Variants in NOS1 observed in about 807,000 individuals in gnomAD.
NOS1 encodes nitric oxide synthase 1.
In NOS1, 51 loss-of-function variants were observed where a neutral mutation model predicts 164.5. That is an observed-to-expected ratio of 0.31 (90% CI 0.25 to 0.39). The LOEUF is 0.39. NOS1 is among the 10% of genes least tolerant of loss of function. The pLI is 1.00. For missense variants in NOS1, 1,362 were observed against 1,885.6 expected (o/e 0.72, Z 5.14); for synonymous variants, 719 against 745.8 (o/e 0.96, Z 0.59).
rs1229805659 is a variant in NOS1 at position 117,269,702 on chromosome 12, G to A, written c.1840-1558C>T. On this transcript the variant is annotated intron_variant, in intron 10 of 28. Coordinates refer to ENST00000317775, the MANE Select transcript of NOS1 (RefSeq NM_000620.5). ...AGGATGGTCTCGATCTCTTGACCTC[G>A]TGATCCACCCACCTCGGCCTCCCAA... 5.9e-5 allele frequency among the ~76,000 whole-genome samples: 9 copies of A among 151,906 alleles called. No homozygotes were observed. In the East Asian group the frequency reaches 1.4e-3, roughly 23 times the overall value.
At chr12:117,265,273 T>C (rs1319965936) in intron 12 of NOS1, 43 bp downstream of exon 12, 2 of 1,482,818 alleles carry the variant, frequency 1.3e-6, no homozygotes, top group African/African-American at 2.8e-5. Context: ...ACACACCAGA[T>C]ACAGGACACT....
At chr12:117,260,748 G>GC in intron 13 of NOS1, 139 bp from the exon 14 acceptor site, 1 of 827,766 alleles carries the variant, frequency 1.2e-6, no homozygotes, top group Non-Finnish European at 1.8e-6. Flanking sequence ...GGCTTCAGGG[G>GC]TTTCCTCAGA....
chr12:117,325,709 A>T (rs187019043), intron 2 of NOS1, among the ~76,000 whole-genome samples: 5 of 152,354 alleles, frequency 3.3e-5, no homozygotes, highest in Admixed American at 2.6e-4. Context: ...ATCAGGAGTC[A>T]TTCACTATTT....
At position 117,272,940 on chromosome 12, in the gene NOS1, C is replaced by T. The variant is rs974631044; in HGVS notation, c.1665-381G>A. Among the ~76,000 whole-genome samples the T allele has an allele frequency of 5.9e-5, 9 of 152,320 alleles. No homozygotes were observed. The highest frequency in any genetic ancestry group is 1.0e-4 in the Non-Finnish European group (7 of 68,024). On this transcript the variant is annotated intron_variant, in intron 9 of 28. Coordinates refer to ENST00000317775, the MANE Select transcript of NOS1 (RefSeq NM_000620.5). This position sits in a 1 kb window ranked among gnomAD's most constrained non-coding sequence, Gnocchi z 4.3. Reference sequence around the variant, plus strand: ...GGCAGCCAAACTTCAGAGCCAAACTCTGTCACCCAAACTTCTTCTTTCTTT... The same window carrying T: ...GGCAGCCAAACTTCAGAGCCAAACTTTGTCACCCAAACTTCTTCTTTCTTT...
chr12:117,251,308 C>T (rs1342346549), intron 17 of NOS1, among the ~76,000 whole-genome samples: 1 of 152,030 alleles, frequency 6.6e-6, no homozygotes, highest in Non-Finnish European at 1.5e-5. Context: ...ATAGTAGCCC[C>T]AATGGACCAA....
rs75672577 is a variant in NOS1 at position 117,308,345 on chromosome 12, A to G, written c.852+3121T>C. 5.8e-3 allele frequency among the ~76,000 whole-genome samples: 879 copies of G among 152,194 alleles called. 11 individuals carry two copies. The highest frequency in any genetic ancestry group is 0.015 in the African/African-American group (638 of 41,524). ...AACATAGCAAGATCCCGTTTCTACA[A>G]AAAAATATAAAAAGTTAGCCAGGTC... On this transcript the variant is annotated intron_variant, in intron 3 of 28. Coordinates refer to ENST00000317775, the MANE Select transcript of NOS1 (RefSeq NM_000620.5).
At chr12:117,342,976 T>C (rs1424423081) in intron 1 of NOS1, among the ~76,000 whole-genome samples, 1 of 152,088 alleles carries the variant, frequency 6.6e-6, no homozygotes, top group African/African-American at 2.4e-5. Context: ...ACCTCCCAGC[T>C]CCTGGCTTCC....
At chr12:117,220,371 G>T in intron 26 of NOS1, 102 bp from the exon 27 acceptor site, 1 of 1,168,488 alleles carries the variant, frequency 8.6e-7, no homozygotes, top group Non-Finnish European at 1.2e-6. Flanking sequence ...GGGCTTGTGG[G>T]CAGGTAGGAT....
At chr12:117,261,178 CAAAAAAA>C (rs534260940) in intron 13 of NOS1, among the ~76,000 whole-genome samples, 3,933 of 77,264 alleles carry the variant, frequency 0.051, 200 homozygotes, top group African/African-American at 0.16. Flanking sequence ...GACTCTGCCT[CAAAAAAA>C]AAAAAAAAAA....
chr12:117,330,317 C>CACAA lies in NOS1; in HGVS notation c.725+27_725+28insTTGT. 6.3e-7 allele frequency: 1 copy of CACAA among 1,589,854 alleles called. No individual in the cohort carries two copies. The highest frequency in any genetic ancestry group is 8.6e-7 in the Non-Finnish European group (1 of 1,166,660). ...ACAAGCATGCACACACACACACACA[C>CACAA]ACACACACACACCCCTGTGGAGCTT... is the stretch of plus-strand genomic sequence containing the variant. On this transcript the variant is annotated intron_variant, in intron 2 of 28. Transcript: ENST00000317775. This position sits in a 1 kb window ranked among gnomAD's most constrained non-coding sequence, Gnocchi z 4.6.
chr12:117,261,028 G>A (rs1871860155), intron 13 of NOS1, among the ~76,000 whole-genome samples: 1 of 151,722 alleles, frequency 6.6e-6, no homozygotes, highest in Non-Finnish European at 1.5e-5. Flanking sequence ...AATTAGCCGG[G>A]AGTGGCAGCG....
intron 5 of NOS1, 102 bp downstream of exon 5, chr12:117,287,972 A>G (rs1872813370): frequency 3.1e-6 from 4 of 1,308,272 alleles, no homozygotes; most frequent in Non-Finnish European, 4.3e-6. Flanking sequence ...TGTATGGCAG[A>G]GGCCTTGTGC....
rs11836446 is a variant in NOS1 at position 117,314,050 on chromosome 12, G to A, written c.726-2458C>T. 7.9e-3 allele frequency among the ~76,000 whole-genome samples: 1,205 copies of A among 152,228 alleles called. 16 individuals carry two copies. Among genetic ancestry groups the A allele is most frequent in the African/African-American group, 0.027 (1,141 of 41,544 alleles). On this transcript the variant is annotated intron_variant, in intron 2 of 28. Transcript: ENST00000317775. Reference sequence around the variant, plus strand: ...GCCACAGTCCAAGCTCTGAGAGCACGATCCCCAGTGACCCCTCCAGCGGCT... The same window carrying A: ...GCCACAGTCCAAGCTCTGAGAGCACAATCCCCAGTGACCCCTCCAGCGGCT...
rs3782197 is a variant in NOS1, at chr12:117,245,317, C to T, written c.2824-1882G>A. ...ACCCCAGAATGGCCAGTTTAGTTAT[C>T]CTCATATGCAGACAGAAGGCCATGC... On this transcript the variant is annotated intron_variant, in intron 18 of 28. Transcript: ENST00000317775. Among the ~76,000 whole-genome samples the T allele has an allele frequency of 2.3e-4, 35 of 152,266 alleles. No individual in the cohort carries two copies. In the East Asian group the frequency reaches 6.2e-3, roughly 27 times the overall value.
intron 26 of NOS1, among the ~76,000 whole-genome samples, chr12:117,221,289 G>A (rs1956701081): frequency 6.6e-6 from 1 of 151,592 alleles, no homozygotes; most frequent in Non-Finnish European, 1.5e-5. Context: ...TGAATAGCTG[G>A]GACTACAGGC....
intron 28 of NOS1, among the ~76,000 whole-genome samples, chr12:117,216,022 C>G (rs1353616773): frequency 4.6e-5 from 7 of 151,348 alleles, no homozygotes; most frequent in Non-Finnish European, 8.8e-5. Flanking sequence ...GGATTATAGG[C>G]ACATGCTACC....
intron 3 of NOS1, among the ~76,000 whole-genome samples, chr12:117,307,002 T>TCTCAATGTTGAG (rs558419527): frequency 2.1e-4 from 32 of 152,324 alleles, no homozygotes; most frequent in African/African-American, 7.7e-4. Flanking sequence ...GAGGTCCTGT[T>TCTCAATGTTGAG]CTCAATGTTG....
Position 117,300,032 on chromosome 12 carries a change from T to C in NOS1, c.853-9606A>G, listed in dbSNP as rs552542873. On this transcript the variant is annotated intron_variant, in intron 3 of 28. Coordinates refer to ENST00000317775, the MANE Select transcript of NOS1 (RefSeq NM_000620.5). ...TTGTTGAAAGCCTTAACTTGCTAAA[T>C]GCAAATATTGAAAATGCACAACAAG... Among the ~76,000 whole-genome samples the C allele has an allele frequency of 2.6e-5, 4 of 152,268 alleles. No homozygotes were observed. In the East Asian group the frequency reaches 7.7e-4, roughly 29 times the overall value.
intron 3 of NOS1, among the ~76,000 whole-genome samples, chr12:117,293,529 A>G (rs1873199887): frequency 6.6e-6 from 1 of 151,892 alleles, no homozygotes; most frequent in Non-Finnish European, 1.5e-5. Flanking sequence ...TCACCCCTAA[A>G]TGTTAGCCAT....
Sources: gnomAD v4.1 joint callset for allele counts (sites outside exome capture counted in the v4.1 genomes callset) on GRCh38, gnomAD v4.1.1 for gene constraint, Gnocchi (gnomAD v3.1) non-coding constraint, MANE v1.5 for transcripts, NCBI Gene and HGNC (gene_info 2026-07-23, HGNC 2026-07-21) for gene names.